Variants in PPM1H observed in about 807,000 individuals in gnomAD.
The protein encoded by PPM1H is protein phosphatase 1H.
Under a neutral mutation model 54.9 loss-of-function variants are expected in PPM1H, and 27 were observed. That is an observed-to-expected ratio of 0.49 (90% confidence interval 0.36 to 0.68). PPM1H has a LOEUF of 0.68. Ranked by LOEUF, PPM1H falls within the 30% of genes least tolerant of loss-of-function variation. The pLI is 0.00. For missense variants in PPM1H, 596 were observed against 667.8 expected, an observed-to-expected ratio of 0.89 and a Z score of 1.19; for synonymous variants, 305 against 270.8, an observed-to-expected ratio of 1.13 and a Z score of -1.24.
chr12:62,784,863 G>T (rs762678807), intron 4 of PPM1H, among the ~76,000 whole-genome samples: 3 of 152,146 alleles, frequency 2.0e-5, no homozygotes, highest in Non-Finnish European at 1.5e-5. Context: ...AGTAAGTGTC[G>T]CATAAACGAT....
chr12:62,837,770 C>G (rs143499383), intron 1 of PPM1H, among the ~76,000 whole-genome samples: 6 of 152,206 alleles, frequency 3.9e-5, no homozygotes, highest in African/African-American at 1.4e-4. Flanking sequence ...ACACCAAATG[C>G]AAAGCTAGCT....
At chr12:62,670,362 G>A (rs2075950123) in intron 8 of PPM1H, among the ~76,000 whole-genome samples, 1 of 152,150 alleles carries the variant, frequency 6.6e-6, no homozygotes, top group Non-Finnish European at 1.5e-5. Flanking sequence ...TGAGTCATAA[G>A]AGGTGGTGAG....
chr12:62,811,828 A>T (rs2076837389), intron 2 of PPM1H, among the ~76,000 whole-genome samples: 1 of 152,206 alleles, frequency 6.6e-6, no homozygotes, highest in African/African-American at 2.4e-5. Context: ...ACTGTGAGTC[A>T]ATTAAACCTC....
At chr12:62,835,955 T>C (rs73135682) in intron 1 of PPM1H, among the ~76,000 whole-genome samples, 4,073 of 152,338 alleles carry the variant, frequency 0.027, 132 homozygotes, top group Non-Finnish European at 0.036. Context: ...AGAAAAACTT[T>C]GTTTCACAAG....
intron 1 of PPM1H, among the ~76,000 whole-genome samples, chr12:62,917,152 C>T (rs1400754738): frequency 6.6e-6 from 1 of 152,236 alleles, no homozygotes; most frequent in Non-Finnish European, 1.5e-5. Flanking sequence ...GAGAGCAGTA[C>T]AGTGACACGT....
At chr12:62,671,037 G>T (rs2136616809) in intron 8 of PPM1H, among the ~76,000 whole-genome samples, 1 of 152,284 alleles carries the variant, frequency 6.6e-6, no homozygotes, top group South Asian at 2.1e-4. Flanking sequence ...AGCAGCAAAG[G>T]CTTCAAAGGA....
chr12:62,701,702 G>A (rs1231356418), intron 6 of PPM1H, among the ~76,000 whole-genome samples: 1 of 150,628 alleles, frequency 6.6e-6, no homozygotes, highest in Non-Finnish European at 1.5e-5. Context: ...TGACACACCA[G>A]GGGGCCTGGT....
At chr12:62,711,249 C>T (rs1243386663) in intron 6 of PPM1H, among the ~76,000 whole-genome samples, 1 of 152,230 alleles carries the variant, frequency 6.6e-6, no homozygotes, top group Non-Finnish European at 1.5e-5. Context: ...GCTTCAGCCT[C>T]CCAAAGTGTT....
intron 6 of PPM1H, among the ~76,000 whole-genome samples, chr12:62,709,902 C>T (rs554847693): frequency 1.3e-5 from 2 of 152,084 alleles, no homozygotes; most frequent in African/African-American, 4.8e-5. Context: ...GAAACCCCAT[C>T]TCTACTAAAA....
Position 62,932,628 on chromosome 12 carries a change from C to CTTTTTTTTTTTTTTTTTTTTTTTTT in PPM1H, c.245+1863_245+1864insAAAAAAAAAAAAAAAAAAAAAAAAA, listed in dbSNP as rs61003358. Among the ~76,000 whole-genome samples the CTTTTTTTTTTTTTTTTTTTTTTTTT allele has an allele frequency of 4.3e-4, 23 of 54,004 alleles. 6 individuals are homozygous for CTTTTTTTTTTTTTTTTTTTTTTTTT. The highest frequency in any genetic ancestry group is 1.2e-3 in the South Asian group (1 of 844). 35.4% of individuals were successfully genotyped at this position (54,004 alleles called of 152,430 possible). ...CTGTCTCGTAAAGGGTCCAAATGGG[C>CTTTTTTTTTTTTTTTTTTTTTTTTT]TTTTTTTTTTTTTTTTTTTTTTTGA... is the stretch of plus-strand genomic sequence containing the variant. On this transcript the variant is annotated intron_variant, in intron 1 of 9. Coordinates refer to ENST00000228705, the MANE Select transcript of PPM1H (RefSeq NM_020700.2).
chr12:62,917,543 C>G (rs1270520600), intron 1 of PPM1H, among the ~76,000 whole-genome samples: 1 of 152,182 alleles, frequency 6.6e-6, no homozygotes, highest in African/African-American at 2.4e-5. Context: ...AGCTTGTCAT[C>G]ACCACCATGA....
chr12:62,794,066 A>C (rs1323203575), intron 3 of PPM1H, among the ~76,000 whole-genome samples: 1 of 152,212 alleles, frequency 6.6e-6, no homozygotes, highest in African/African-American at 2.4e-5. Context: ...TGGTTTTAGT[A>C]TCCAAATCTG....
chr12:62,725,886 C>G (rs971176597), intron 5 of PPM1H, among the ~76,000 whole-genome samples: 1 of 151,946 alleles, frequency 6.6e-6, no homozygotes, highest in Non-Finnish European at 1.5e-5. Context: ...TCATAGTCAC[C>G]CCCCCACTGA....
intron 4 of PPM1H, among the ~76,000 whole-genome samples, chr12:62,757,910 T>G (rs73127959): frequency 1.3e-5 from 2 of 152,112 alleles, no homozygotes; most frequent in African/African-American, 2.4e-5. Context: ...GAAAAGCAGA[T>G]GGAGGCTTCC....
In PPM1H at chr12:62,756,204, C is replaced by T. The variant is rs2076473328; in HGVS notation, c.870-18618G>A. The T allele has an allele frequency of 3.5e-6, 3 of 848,968 alleles. No individual in the cohort carries two copies. In the Admixed American group the frequency reaches 5.2e-5, roughly 15 times the overall value. 52.6% of individuals were successfully genotyped at this position (848,968 alleles called of 1,614,324 possible). A position where few individuals can be genotyped will look rare whatever the true frequency, so the allele number is the denominator to read the frequency against. On this transcript the variant is annotated intron_variant, in intron 4 of 9. Transcript: ENST00000228705. ...TGGCTACAGCAACAGGGTGGTGGACCTCATGGCCCACATGACTTCCAAGGA... is the reference window on the plus strand; with the variant it reads ...TGGCTACAGCAACAGGGTGGTGGACTTCATGGCCCACATGACTTCCAAGGA...
At chr12:62,648,737 A>G in intron 9 of PPM1H, 101 bp from the exon 10 acceptor site, 1 of 1,309,904 alleles carries the variant, frequency 7.6e-7, no homozygotes, top group Non-Finnish European at 1.1e-6. Context: ...AGTTGTATAA[A>G]TAAGTTTCAA....
rs1280767924 is a variant in PPM1H at position 62,844,118 on chromosome 12, C to T, written c.246-11839G>A. Reference sequence around the variant, plus strand: ...AGATTCAGAAATTATGATTAAGCATCGAGTTTATTCCAGCGCAGTGCAAAG... The same window carrying T: ...AGATTCAGAAATTATGATTAAGCATTGAGTTTATTCCAGCGCAGTGCAAAG... On this transcript the variant is annotated intron_variant, in intron 1 of 9. Transcript: ENST00000228705. The surrounding 1 kb of genome is among the most constrained non-coding windows in gnomAD (Gnocchi z 5.2). 5.9e-5 allele frequency among the ~76,000 whole-genome samples: 9 copies of T among 152,164 alleles called. No homozygotes were observed. The highest frequency in any genetic ancestry group is 1.7e-4 in the African/African-American group (7 of 41,442).
chr12:62,882,252 G>A, intron 1 of PPM1H, among the ~76,000 whole-genome samples: 1 of 152,326 alleles, frequency 6.6e-6, no homozygotes, highest in East Asian at 1.9e-4. Context: ...AGAGTCTGGA[G>A]ATTGTAGACT....
chr12:62,834,948 G>T (rs560902192), intron 1 of PPM1H, among the ~76,000 whole-genome samples: 1 of 152,088 alleles, frequency 6.6e-6, no homozygotes, highest in Non-Finnish European at 1.5e-5. Flanking sequence ...AAGCTCAAGT[G>T]GGGGTTCAGC....
Sources: gnomAD v4.1 joint callset for allele counts (sites outside exome capture counted in the v4.1 genomes callset) on GRCh38, gnomAD v4.1.1 for gene constraint, Gnocchi (gnomAD v3.1) non-coding constraint, MANE v1.5 for transcripts, NCBI Gene and HGNC (gene_info 2026-07-23, HGNC 2026-07-21) for gene names.